Variants in ZNF17 observed in about 807,000 individuals in gnomAD.
The protein encoded by ZNF17 is zinc finger protein 17 (HPF3, KOX 10).
In ZNF17, 4 loss-of-function variants were observed where a neutral mutation model predicts 7.7. The ratio of observed to expected loss-of-function variants is 0.52; its 90% CI spans 0.26 to 1.20. ZNF17 has a LOEUF of 1.20. Ranked by LOEUF, ZNF17 falls within the 50% of genes most tolerant of loss-of-function variation. The pLI is 0.14. For missense variants in ZNF17, 738 were observed against 799.5 expected (o/e 0.92, Z 0.93); for synonymous variants, 249 against 258.8 (o/e 0.96, Z 0.36).
chr19:57,413,529 G>T (rs2123061649), intron 1 of ZNF17, 67 bp from the exon 2 acceptor site: 1 of 1,516,910 alleles, frequency 6.6e-7, no homozygotes, highest in East Asian at 2.5e-5. Context: ...GCCAGAGGTG[G>T]TTGTACAGTC....
In ZNF17 at chr19:57,418,031, C is replaced by T. The variant is rs746892285; in HGVS notation, c.141C>T (p.Ser47=). Residue 47 remains serine, a synonymous_variant, in exon 3 of 4, where the codon TCC becomes TCT. Transcript: ENST00000307658. ...TGCTGGAGAACTTTGCACTTTTGTC[C>T]TCAGTAGGTAAGGCCCTGACACCTA... ...DVMLENFALL[S]SVGCWHGAKD... 8 of 1,613,342 alleles carry T rather than the reference C, an allele frequency of 5.0e-6. No individual in the cohort carries two copies. The African/African-American group carries it at 9.4e-5, about 19-fold the overall frequency.
chr19:57,418,176 C>T, intron 3 of ZNF17, 138 bp downstream of exon 3: 6 of 1,163,208 alleles, frequency 5.2e-6, no homozygotes, highest in Non-Finnish European at 6.1e-6. Flanking sequence ...GTGGCAGCTA[C>T]AGCTGGGCTG....
intron 2 of ZNF17, among the ~76,000 whole-genome samples, chr19:57,414,552 C>G (rs1382421511): frequency 6.6e-6 from 1 of 151,330 alleles, no homozygotes. Context: ...CCAGGCTGGT[C>G]TCGAACTCCT....
At chr19:57,412,178 G>T (rs753230492) in intron 1 of ZNF17, among the ~76,000 whole-genome samples, 1 of 152,174 alleles carries the variant, frequency 6.6e-6, no homozygotes, top group Non-Finnish European at 1.5e-5. Context: ...GCCTAGGCTG[G>T]AGACTGAGGT....
intron 1 of ZNF17, 88 bp from the exon 2 acceptor site, chr19:57,413,508 C>T (rs78763286): frequency 6.3e-6 from 9 of 1,428,312 alleles, no homozygotes; most frequent in Admixed American, 2.0e-5. Flanking sequence ...TAACTTTGCT[C>T]TAGTTGCAGG....
At chr19:57,412,689 A>C (rs1416616055) in intron 1 of ZNF17, among the ~76,000 whole-genome samples, 2 of 151,908 alleles carry the variant, frequency 1.3e-5, no homozygotes, top group Non-Finnish European at 2.9e-5. Context: ...CATGATCTGC[A>C]CGCCTCAGCC....
rs376383093 is a variant in ZNF17, at chr19:57,420,309, C to G, written c.823C>G (p.Pro275Ala). 2.4e-5 allele frequency: 39 copies of G among 1,614,066 alleles called. No homozygotes were observed. The highest frequency in any genetic ancestry group is 1.0e-5 in the Non-Finnish European group (12 of 1,180,026). The change falls in exon 4 of 4, where the codon CCT becomes GCT. Residue 275 changes from proline (P) to alanine (A), a missense_variant. This residue lies in a region of ZNF17 where 616 missense variants were observed against 663.9 expected (regional missense o/e 0.93). Transcript: ENST00000307658. Reference protein sequence around the residue: ...QHQKIHTGERPYECSECGKAF... With the variant: ...QHQKIHTGERAYECSECGKAF... ...CCAGAAAATTCACACTGGAGAAAGG[C>G]CTTATGAGTGCAGTGAATGTGGGAA...
Position 57,421,419 on chromosome 19 carries a change from T to A in ZNF17, c.1933T>A (p.Cys645Ser). The change falls in exon 4 of 4, where the codon TGT becomes AGT. Residue 645 changes from cysteine to serine, a missense_variant. Cys to Ser is a moderately radical substitution (Grantham distance 112). Around this residue, in one of 3 missense-constraint regions of ZNF17, gnomAD observed 116 missense variants for 114.0 expected, o/e 1.02. Transcript: ENST00000307658. Reference sequence around the variant, plus strand: ...AGAGAGACCTTATCAGTGCAGTGAATGTGGAAGAGTCTTTAACCAAAATTC... The same window carrying A: ...AGAGAGACCTTATCAGTGCAGTGAAAGTGGAAGAGTCTTTAACCAAAATTC... ...TGERPYQCSE[C>S]GRVFNQNSHL... 1 of 1,613,876 alleles carries A rather than the reference T, an allele frequency of 6.2e-7. No individual in the cohort carries two copies. Among genetic ancestry groups the A allele is most frequent in the Non-Finnish European group, 8.5e-7 (1 of 1,179,882 alleles).
rs376983619 is a variant in ZNF17, at chr19:57,420,388, C to T, written c.902C>T (p.Pro301Leu). 6.2e-7 allele frequency: 1 copy of T among 1,613,648 alleles called. No homozygotes were observed. The highest frequency in any genetic ancestry group is 1.3e-5 in the African/African-American group (1 of 74,844). Reference sequence around the variant, plus strand: ...CAGCACCAGAGGATTCACACCAGGCCAAGGCCTTATGTGTGTAGTGAATGT... The same window carrying T: ...CAGCACCAGAGGATTCACACCAGGCTAAGGCCTTATGTGTGTAGTGAATGT... The part of the protein sequence containing the change: ...LLQHQRIHTR[P>L]RPYVCSECGK... Residue 301 changes from proline to leucine, a missense_variant, in exon 4 of 4, where the codon CCA becomes CTA. Pro to Leu is a moderately conservative substitution (Grantham distance 98, BLOSUM62 -3). Around this residue, in one of 3 missense-constraint regions of ZNF17, gnomAD observed 616 missense variants for 663.9 expected, o/e 0.93. Transcript: ENST00000307658.
chr19:57,419,485 C>G (rs1176181602), intron 3 of ZNF17, 150 bp from the exon 4 acceptor site: 25 of 794,794 alleles, frequency 3.1e-5, no homozygotes, highest in African/African-American at 3.1e-4. Flanking sequence ...CCCGGTTCTG[C>G]CCAGTAGGCT....
chr19:57,419,307 C>G (rs996992964), intron 3 of ZNF17: 1 of 240,764 alleles, frequency 4.2e-6, no homozygotes, highest in African/African-American at 2.2e-5. Context: ...CATCAGATCT[C>G]TCTGGGTCTG....
chr19:57,418,839 A>T (rs1466837294), intron 3 of ZNF17, among the ~76,000 whole-genome samples: 2 of 150,754 alleles, frequency 1.3e-5, no homozygotes, highest in African/African-American at 4.9e-5. Flanking sequence ...CCCACCTCTG[A>T]CCCTACGTCT....
chr19:57,418,132 C>T (rs2088823896), intron 3 of ZNF17, 94 bp downstream of exon 3: 7 of 1,465,228 alleles, frequency 4.8e-6, no homozygotes, highest in Non-Finnish European at 5.6e-6. Flanking sequence ...GTCATGGATG[C>T]TGCATCCTCT....
At chr19:57,413,058 G>T (rs2088788801) in intron 1 of ZNF17, among the ~76,000 whole-genome samples, 1 of 151,432 alleles carries the variant, frequency 6.6e-6, no homozygotes, top group South Asian at 2.1e-4. Flanking sequence ...TTGTATTTTT[G>T]ATAGAGACAG....
At chr19:57,411,475 C>G in intron 1 of ZNF17, 69 bp downstream of exon 1, 1 of 1,580,864 alleles carries the variant, frequency 6.3e-7, no homozygotes, top group South Asian at 1.1e-5. Context: ...AGGAGGGGCC[C>G]TGCAGGTCAG....
Position 57,420,910 on chromosome 19 carries a change from G to T in ZNF17, c.1424G>T (p.Ser475Ile). ...TCTGGAGAGAGGCCTTATGAATGCA[G>T]TGAATGTGGCAAATTCTTTGTGGAC... Reference protein sequence around the residue: ...VHSGERPYECSECGKFFVDSC... With the variant: ...VHSGERPYECIECGKFFVDSC... Residue 475 changes from serine to isoleucine, a missense_variant, in exon 4 of 4, where the codon AGT (serine) becomes ATT (isoleucine). Physicochemically the swap from Ser to Ile is moderately radical, Grantham distance 142. This residue lies in a region of ZNF17 where 616 missense variants were observed against 663.9 expected (regional missense o/e 0.93). Coordinates refer to ENST00000307658, the MANE Select transcript of ZNF17 (RefSeq NM_001330617.2). 1 of 1,614,094 alleles carries T rather than the reference G, an allele frequency of 6.2e-7. No individual in the cohort carries two copies. The highest frequency in any genetic ancestry group is 8.5e-7 in the Non-Finnish European group (1 of 1,179,980).
chr19:57,413,565 C>G, intron 1 of ZNF17, 31 bp from the exon 2 acceptor site: 4 of 1,535,386 alleles, frequency 2.6e-6, no homozygotes, highest in Non-Finnish European at 3.5e-6. Context: ...GCAATGCTGT[C>G]TTAATCCTCA....
Position 57,413,638 on chromosome 19 carries a change from T to A in ZNF17, c.21+2T>A, listed in dbSNP as rs1401352003. On this transcript the variant is annotated splice_donor_variant, in intron 2 of 3. Coordinates refer to ENST00000307658, the MANE Select transcript of ZNF17 (RefSeq NM_001330617.2). LOFTEE classifies it high-confidence loss of function. The stretch of plus-strand genomic sequence containing the variant: ...GCAATGCTTATGGATGCTGGACAGG[T>A]GAGTGGAGAGTGTTTCCAGCTTTCA... The A allele has an allele frequency of 2.0e-6, 3 of 1,535,876 alleles. No homozygotes were observed. Among genetic ancestry groups the A allele is most frequent in the Non-Finnish European group, 2.6e-6 (3 of 1,146,890 alleles).
intron 2 of ZNF17, among the ~76,000 whole-genome samples, chr19:57,416,201 T>C (rs1477584107): frequency 1.3e-5 from 2 of 152,216 alleles, no homozygotes; most frequent in Non-Finnish European, 2.9e-5. Context: ...GCAAATACGA[T>C]TCTGGTTGCA....
Sources: allele counts gnomAD v4.1 joint callset (sites outside exome capture counted in the v4.1 genomes callset), GRCh38; gene constraint gnomAD v4.1.1; regional missense constraint gnomAD v4.1.1; transcripts MANE v1.5; gene names NCBI Gene and HGNC (gene_info 2026-07-23, HGNC 2026-07-21).